The following BMP6 variants were observed in gnomAD, a reference collection of about 807,000 sequenced individuals.
The protein encoded by BMP6 is bone morphogenetic protein 6.
BMP6 carries 17 observed loss-of-function variants against 54.1 expected under a neutral mutation model. The observed-to-expected ratio is 0.31, with a 90% CI of 0.22 to 0.47. The LOEUF (loss-of-function observed/expected upper bound fraction) is 0.47, where lower values mean the gene tolerates loss of function less well. Ranked by LOEUF, BMP6 falls within the 20% of genes least tolerant of loss-of-function variation. The pLI is 1.00. For missense variants in BMP6, 720 were observed against 690.4 expected (o/e 1.04, Z -0.48); for synonymous variants, 328 against 291.2 (o/e 1.13, Z -1.28).
chr6:7,728,233 C>T (rs1761784010), intron 1 of BMP6, among the ~76,000 whole-genome samples: 2 of 152,238 alleles, frequency 1.3e-5, no homozygotes, highest in South Asian at 4.1e-4. Context: ...GGGCGGGGCT[C>T]GCTTCTGTTT....
Position 7,726,105 on chromosome 6 carries a change from C to T in BMP6, c.-851C>T, listed in dbSNP as rs1037533327. On this transcript the variant is annotated 5_prime_UTR_variant, in exon 1 of 7. Transcript: ENST00000283147. ...CCTGAGCCGGGCGCGCAGCAGAAAG[C>T]CCACGTTGGCCGCTGCGGGGAGCGC... is the stretch of plus-strand genomic sequence containing the variant. Among the ~76,000 whole-genome samples, 1 of 152,236 alleles carries T rather than the reference C, an allele frequency of 6.6e-6. No homozygotes were observed. Among genetic ancestry groups the T allele is most frequent in the Non-Finnish European group, 1.5e-5 (1 of 68,032 alleles).
At chr6:7,837,076 TAACTAATCTAGACTA>T (rs1207519570) in intron 1 of BMP6, among the ~76,000 whole-genome samples, 1 of 152,248 alleles carries the variant, frequency 6.6e-6, no homozygotes, top group Non-Finnish European at 1.5e-5. Context: ...GTAATTGCCT[TAACTAATCTAGACTA>T]AATTAACCAG....
At chr6:7,760,950 T>C (rs1001365715) in intron 1 of BMP6, among the ~76,000 whole-genome samples, 1 of 152,270 alleles carries the variant, frequency 6.6e-6, no homozygotes, top group Non-Finnish European at 1.5e-5. Context: ...TTGTAAAATA[T>C]AAGCCATTAC....
At chr6:7,826,492 G>C (rs1561784113) in intron 1 of BMP6, among the ~76,000 whole-genome samples, 1 of 152,112 alleles carries the variant, frequency 6.6e-6, no homozygotes, top group Non-Finnish European at 1.5e-5. Context: ...ATGTTGCACT[G>C]GGCTCCTTAA....
At chr6:7,847,209 A>C (rs1759079455) in intron 2 of BMP6, among the ~76,000 whole-genome samples, 1 of 152,114 alleles carries the variant, frequency 6.6e-6, no homozygotes, top group African/African-American at 2.4e-5. Context: ...CAAAGCGGAG[A>C]GTTGTAGTTT....
intron 1 of BMP6, among the ~76,000 whole-genome samples, chr6:7,759,693 C>CTTTTTT (rs1417534809): frequency 1.2e-5 from 1 of 80,068 alleles, no homozygotes; most frequent in African/African-American, 5.3e-5. Context: ...TTTCTTTCTT[C>CTTTTTT]TTCTTTTTTT....
intron 1 of BMP6, among the ~76,000 whole-genome samples, chr6:7,799,684 G>A (rs762987394): frequency 7.3e-5 from 11 of 150,240 alleles, no homozygotes; most frequent in South Asian, 2.1e-4. Context: ...ATGATTTATA[G>A]TTGACAAGAG....
intron 1 of BMP6, among the ~76,000 whole-genome samples, chr6:7,762,705 C>T (rs1045506988): frequency 6.6e-6 from 1 of 152,206 alleles, no homozygotes; most frequent in Non-Finnish European, 1.5e-5. Context: ...TAAAAAGATG[C>T]AACTCAATGT....
intron 4 of BMP6, among the ~76,000 whole-genome samples, chr6:7,873,445 C>G (rs9379142): frequency 0.09 from 13,656 of 152,162 alleles, 768 homozygotes; most frequent in East Asian, 0.27. Context: ...TTGGGTGCAC[C>G]GTCCTCTTGA....
intron 3 of BMP6, 139 bp downstream of exon 3, chr6:7,861,738 C>T: frequency 7.7e-7 from 1 of 1,296,874 alleles, no homozygotes; most frequent in Non-Finnish European, 1.1e-6. Flanking sequence ...TCCCCCATGA[C>T]TTGCATTGAG....
rs114343403 is a variant in BMP6 at position 7,820,637 on chromosome 6, C to T, written c.665-24503C>T. Among the ~76,000 whole-genome samples, 1,270 of 152,250 alleles carry T rather than the reference C, an allele frequency of 8.3e-3. 21 individuals are homozygous for T. Among genetic ancestry groups the T allele is most frequent in the African/African-American group, 0.029 (1,188 of 41,538 alleles). On this transcript the variant is annotated intron_variant, in intron 1 of 6. Coordinates refer to ENST00000283147, the MANE Select transcript of BMP6 (RefSeq NM_001718.6). Reference sequence around the variant, plus strand: ...GAGCCTGGCCCAGCTGCTCATTCCCCGAGGCAGGTGAGCATGCCCTGGGTG... The same window carrying T: ...GAGCCTGGCCCAGCTGCTCATTCCCTGAGGCAGGTGAGCATGCCCTGGGTG...
At chr6:7,795,889 G>C (rs947569031) in intron 1 of BMP6, among the ~76,000 whole-genome samples, 2 of 152,178 alleles carry the variant, frequency 1.3e-5, no homozygotes, top group African/African-American at 4.8e-5. Flanking sequence ...CTCTAAATGA[G>C]AGAGTGAGGA....
At chr6:7,872,917 G>A (rs1402264767) in intron 4 of BMP6, among the ~76,000 whole-genome samples, 1 of 149,952 alleles carries the variant, frequency 6.7e-6, no homozygotes, top group Non-Finnish European at 1.5e-5. Context: ...GGATCAAGCA[G>A]TCCTCCCACC....
chr6:7,862,395 G>A lies in BMP6; in HGVS notation c.1101G>A (p.Glu367=). 2 of 1,614,194 alleles carry A rather than the reference G, an allele frequency of 1.2e-6. No individual in the cohort carries two copies. The highest frequency in any genetic ancestry group is 1.7e-6 in the Non-Finnish European group (2 of 1,180,020). Reference sequence around the variant, plus strand: ...TGGTGGCTTTCTTCAAAGTGAGTGAGGTGCACGTGCGCACCACCAGGTCAG... The same window carrying A: ...TGGTGGCTTTCTTCAAAGTGAGTGAAGTGCACGTGCGCACCACCAGGTCAG... ...PFMVAFFKVS[E]VHVRTTRSAS... The change falls in exon 4 of 7, where the codon GAG becomes GAA. Residue 367 remains glutamate (E), a synonymous_variant. Transcript: ENST00000283147.
chr6:7,727,492 G>A lies in BMP6; in HGVS notation c.537G>A (p.Ala179=), dbSNP rs1388256313. The part of the protein sequence containing the change: ...SQRRQPPPGA[A]HPLNRKSLLA... ...GTCGGCAGCCGCCCCCGGGCGCCGC[G>A]CACCCGCTCAACCGCAAGAGCCTTC... The change falls in exon 1 of 7, where the codon GCG becomes GCA. Residue 179 remains alanine, a synonymous_variant. Transcript: ENST00000283147. 1 of 1,594,564 alleles carries A rather than the reference G, an allele frequency of 6.3e-7. No homozygotes were observed. Among genetic ancestry groups the A allele is most frequent in the East Asian group, 2.2e-5 (1 of 44,590 alleles).
intron 1 of BMP6, among the ~76,000 whole-genome samples, chr6:7,735,986 C>G (rs1439630522): frequency 2.6e-5 from 4 of 152,098 alleles, no homozygotes; most frequent in African/African-American, 9.7e-5. Context: ...TTATAAAATA[C>G]CTCAGTTGAA....
At chr6:7,741,143 T>A (rs1320542905) in intron 1 of BMP6, among the ~76,000 whole-genome samples, 1 of 152,202 alleles carries the variant, frequency 6.6e-6, no homozygotes, top group Non-Finnish European at 1.5e-5. Flanking sequence ...ATTCTGTTTT[T>A]TAAACCCCAG....
intron 4 of BMP6, among the ~76,000 whole-genome samples, chr6:7,871,459 G>A (rs978668865): frequency 6.6e-6 from 1 of 152,212 alleles, no homozygotes; most frequent in Non-Finnish European, 1.5e-5. Context: ...TCCTGGGGGG[G>A]CTTTTATGAT....
At chr6:7,830,493 T>G (rs1307642402) in intron 1 of BMP6, among the ~76,000 whole-genome samples, 1 of 152,194 alleles carries the variant, frequency 6.6e-6, no homozygotes, top group Non-Finnish European at 1.5e-5. Context: ...GGGCCGTAAA[T>G]GAGCTCTGAT....
Sources: allele counts gnomAD v4.1 joint callset (sites outside exome capture counted in the v4.1 genomes callset), GRCh38; gene constraint gnomAD v4.1.1; transcripts MANE v1.5; gene names NCBI Gene and HGNC (gene_info 2026-07-23, HGNC 2026-07-21).